Variants in RAB3GAP1 observed in about 807,000 individuals in gnomAD.
RAB3GAP1 encodes rab3 GTPase-activating protein catalytic subunit.
RAB3GAP1 carries 86 observed loss-of-function variants against 130.7 expected under a neutral mutation model. The ratio of observed to expected loss-of-function variants is 0.66; its 90% CI spans 0.55 to 0.79. The LOEUF (loss-of-function observed/expected upper bound fraction) is 0.79. Ranked by LOEUF, RAB3GAP1 falls within the 30% of genes least tolerant of loss-of-function variation. The probability of loss-of-function intolerance (pLI) is 0.00; values close to 1 mark genes in which losing one functional copy is unlikely to be tolerated. For synonymous variants in RAB3GAP1, 367 were observed against 401.7 expected (o/e 0.91, Z 1.03); for missense variants, 1,029 against 1,169.4 (o/e 0.88, Z 1.75).
intron 23 of RAB3GAP1, among the ~76,000 whole-genome samples, chr2:135,166,681 A>G (rs1156649441): frequency 1.3e-5 from 2 of 152,152 alleles, no homozygotes; most frequent in African/African-American, 4.8e-5. Context: ...TATTAATCAC[A>G]TAATCTCACT....
chr2:135,166,381 C>G (rs1413862662), intron 23 of RAB3GAP1, among the ~76,000 whole-genome samples: 1 of 152,154 alleles, frequency 6.6e-6, no homozygotes, highest in East Asian at 1.9e-4. Flanking sequence ...GAGGGTCTCA[C>G]TCTGTGGTCC....
intron 13 of RAB3GAP1, among the ~76,000 whole-genome samples, chr2:135,132,009 G>A (rs148244617): frequency 1.3e-5 from 2 of 152,312 alleles, no homozygotes; most frequent in Admixed American, 6.5e-5. Flanking sequence ...CTTGTACATC[G>A]TAAGATGTAG....
At chr2:135,104,912 AC>A (rs963375297) in intron 5 of RAB3GAP1, among the ~76,000 whole-genome samples, 12 of 152,054 alleles carry the variant, frequency 7.9e-5, no homozygotes, top group African/African-American at 2.7e-4. Context: ...AAACAAAAAA[AC>A]AAATGGAAAC....
chr2:135,144,604 A>C (rs965706205), intron 17 of RAB3GAP1, among the ~76,000 whole-genome samples: 1 of 152,232 alleles, frequency 6.6e-6, no homozygotes, highest in Non-Finnish European at 1.5e-5. Context: ...CAGGCTTTCA[A>C]CTATCTTTGT....
At chr2:135,164,807 AG>A in intron 23 of RAB3GAP1, 111 bp downstream of exon 23, 2 of 809,378 alleles carry the variant, frequency 2.5e-6, no homozygotes, top group Non-Finnish European at 4.1e-6. Context: ...CCTGAGTGTA[AG>A]TCTGGGCATT....
At chr2:135,066,182 A>G (rs1490825427) in intron 3 of RAB3GAP1, among the ~76,000 whole-genome samples, 4 of 152,190 alleles carry the variant, frequency 2.6e-5, no homozygotes, top group East Asian at 3.8e-4. Context: ...CTTTTTCTCA[A>G]TGGGTAAACT....
intron 5 of RAB3GAP1, among the ~76,000 whole-genome samples, chr2:135,097,024 A>T (rs1574105266): frequency 6.6e-6 from 1 of 152,130 alleles, no homozygotes; most frequent in African/African-American, 2.4e-5. Context: ...AAATATTTTT[A>T]AAATCAACGT....
chr2:135,106,496 G>T (rs997451540), intron 5 of RAB3GAP1, among the ~76,000 whole-genome samples: 1 of 152,114 alleles, frequency 6.6e-6, no homozygotes, highest in African/African-American at 2.4e-5. Flanking sequence ...GTCCACTCAG[G>T]GTTAAATGGA....
At chr2:135,092,732 C>T (rs1690184171) in intron 4 of RAB3GAP1, among the ~76,000 whole-genome samples, 1 of 152,126 alleles carries the variant, frequency 6.6e-6, no homozygotes, top group Admixed American at 6.5e-5. Flanking sequence ...ATCACTGTGC[C>T]CAGCCAAAGG....
At chr2:135,173,786 G>C (rs778457951), downstream of RAB3GAP1, among the ~76,000 whole-genome samples, 1 of 152,172 alleles carries the variant, frequency 6.6e-6, no homozygotes, top group East Asian at 1.9e-4. Context: ...CCCGTCTACT[G>C]TCCTGGCCCC....
intron 3 of RAB3GAP1, among the ~76,000 whole-genome samples, chr2:135,074,053 G>A (rs1171454980): frequency 1.3e-5 from 2 of 152,172 alleles, no homozygotes; most frequent in East Asian, 3.9e-4. Context: ...ATGAACACTA[G>A]GTGAAAGACC....
At chr2:135,078,907 G>A (rs182809033) in intron 3 of RAB3GAP1, among the ~76,000 whole-genome samples, 2 of 151,940 alleles carry the variant, frequency 1.3e-5, no homozygotes, top group Admixed American at 6.6e-5. Context: ...TCGCTCTGTC[G>A]CCCAGGCTGG....
rs576473217 is a variant in RAB3GAP1, at chr2:135,126,855, T to C, written c.973+199T>C. Among the ~76,000 whole-genome samples, 8 of 152,276 alleles carry C rather than the reference T, an allele frequency of 5.3e-5. No homozygotes were observed. The East Asian group carries it at 1.5e-3, about 29-fold the overall frequency. On this transcript the variant is annotated intron_variant, in intron 11 of 23. Coordinates refer to ENST00000264158, the MANE Select transcript of RAB3GAP1 (RefSeq NM_012233.3). ...TTATTTTCTCATTATCTCAGCTTTATGTTTCTGATGCTTTTATTTACTTTT... is the reference window on the plus strand; with the variant it reads ...TTATTTTCTCATTATCTCAGCTTTACGTTTCTGATGCTTTTATTTACTTTT...
intron 14 of RAB3GAP1, among the ~76,000 whole-genome samples, 181 bp downstream of exon 14, chr2:135,133,165 A>G (rs1181536033): frequency 1.3e-5 from 2 of 152,198 alleles, no homozygotes; most frequent in Admixed American, 6.5e-5. Context: ...TTGGGTAGCA[A>G]GAATTTTTCT....
At chr2:135,163,977 A>T (rs1421833894) in intron 22 of RAB3GAP1, among the ~76,000 whole-genome samples, 3 of 152,150 alleles carry the variant, frequency 2.0e-5, no homozygotes, top group Admixed American at 1.3e-4. Flanking sequence ...TAATCAAGGG[A>T]CTCGTTTCTA....
intron 3 of RAB3GAP1, among the ~76,000 whole-genome samples, chr2:135,072,425 A>C (rs1476878730): frequency 6.6e-6 from 1 of 152,198 alleles, no homozygotes; most frequent in East Asian, 1.9e-4. Context: ...AAAAGGCAAA[A>C]AACCTTTTGC....
intron 5 of RAB3GAP1, among the ~76,000 whole-genome samples, chr2:135,106,590 C>CA: frequency 6.6e-6 from 1 of 151,914 alleles, no homozygotes; most frequent in African/African-American, 2.4e-5. Flanking sequence ...TCCCTAATCT[C>CA]AAGTATCCAG....
intron 5 of RAB3GAP1, among the ~76,000 whole-genome samples, chr2:135,105,290 T>C (rs187223835): frequency 2.6e-4 from 36 of 138,928 alleles, no homozygotes; most frequent in East Asian, 7.4e-4. Context: ...AAGCCGAACC[T>C]GGACTGTACT....
rs997773770 is a variant in RAB3GAP1 at position 135,167,857 on chromosome 2, G to A, written c.2710-688G>A. On this transcript the variant is annotated intron_variant, in intron 23 of 23. Coordinates refer to ENST00000264158, the MANE Select transcript of RAB3GAP1 (RefSeq NM_012233.3). ...GATGTTTAGCGCAACATGATTTCAT[G>A]TTTCCATTGCCAAAACAATTTTTTT... 4 of 608,246 alleles carry A rather than the reference G, an allele frequency of 6.6e-6. No homozygotes were observed. The Admixed American group carries it at 1.5e-4, about 23-fold the overall frequency. The allele number at this position is 608,246 out of a possible 1,614,324, so 37.7% of individuals were successfully genotyped here.
Sources: gnomAD v4.1 joint callset for allele counts (sites outside exome capture counted in the v4.1 genomes callset) on GRCh38, gnomAD v4.1.1 for gene constraint, MANE v1.5 for transcripts, NCBI Gene and HGNC (gene_info 2026-07-23, HGNC 2026-07-21) for gene names.